PCDH15: variants seen among roughly 807,000 people sequenced by gnomAD.
PCDH15 encodes the protein protocadherin related 15.
Under a neutral mutation model 178.5 loss-of-function variants are expected in PCDH15, and 129 were observed. The observed-to-expected ratio is 0.72, with a 90% CI of 0.63 to 0.84. The LOEUF is 0.84. PCDH15 is among the 40% of genes least tolerant of loss of function. The pLI, the probability that PCDH15 is intolerant of heterozygous loss-of-function variation, is 0.00. For synonymous variants in PCDH15, 800 were observed against 732.0 expected (o/e 1.09, Z -1.50); for missense variants, 2,230 against 2,099.9 (o/e 1.06, Z -1.21).
intron 1 of PCDH15, among the ~76,000 whole-genome samples, chr10:54,799,304 AAATGTG>A (rs562517508): frequency 1.1e-3 from 170 of 152,304 alleles, no homozygotes; most frequent in African/African-American, 3.9e-3. Context: ...TGCAAAATTT[AAATGTG>A]AACAAATTAA....
At chr10:55,530,267 C>A (rs1841419909) in intron 2 of PCDH15, among the ~76,000 whole-genome samples, 1 of 151,914 alleles carries the variant, frequency 6.6e-6, no homozygotes, top group South Asian at 2.1e-4. Context: ...CTATACAATT[C>A]TCTAACCATC....
Position 53,840,353 on chromosome 10 carries a change from G to T in PCDH15, c.3950C>A (p.Thr1317Asn). The T allele has an allele frequency of 1.2e-6, 2 of 1,614,184 alleles. No individual in the cohort carries two copies. Among genetic ancestry groups the T allele is most frequent in the Non-Finnish European group, 1.7e-6 (2 of 1,180,024 alleles). Residue 1317 changes from threonine (T) to asparagine (N), a missense_variant, in exon 29 of 38, where the codon ACC becomes AAC. By Grantham distance (65) the Thr-to-Asn change is moderately conservative. Coordinates refer to ENST00000644397, the MANE Select transcript of PCDH15 (RefSeq NM_001384140.1). ...CTCATTTCTATCGATGGCTCTGTTGGTTTGGGGGTCAATTGCATAGACAGT... is the reference window on the plus strand; with the variant it reads ...CTCATTTCTATCGATGGCTCTGTTGTTTTGGGGGTCAATTGCATAGACAGT... Reference protein sequence around the residue: ...DLTVYAIDPQTNRAIDRNELF... With the variant: ...DLTVYAIDPQNNRAIDRNELF...
intron 3 of PCDH15, among the ~76,000 whole-genome samples, chr10:54,421,183 C>G (rs1955239653): frequency 4.0e-5 from 6 of 151,796 alleles, no homozygotes; most frequent in Admixed American, 3.9e-4. Context: ...TAAAACAAAA[C>G]AAAATTGTCC....
At chr10:54,780,088 G>T (rs760395390) in intron 1 of PCDH15, among the ~76,000 whole-genome samples, 1 of 152,062 alleles carries the variant, frequency 6.6e-6, no homozygotes, top group African/African-American at 2.4e-5. Context: ...AAAATGTTCC[G>T]CAGAGAAGTT....
intron 2 of PCDH15, among the ~76,000 whole-genome samples, chr10:55,128,099 A>T (rs1337632318): frequency 6.6e-6 from 1 of 151,984 alleles, no homozygotes; most frequent in African/African-American, 2.4e-5. Flanking sequence ...TTCCAACTGG[A>T]AGCCACTTTT....
At chr10:54,648,736 A>G (rs1440058450) in intron 2 of PCDH15, among the ~76,000 whole-genome samples, 3 of 152,150 alleles carry the variant, frequency 2.0e-5, no homozygotes, top group Admixed American at 2.0e-4. Context: ...GGTATTACAT[A>G]ATGCTTGCTA....
intron 10 of PCDH15, among the ~76,000 whole-genome samples, chr10:54,201,766 G>A (rs117044544): frequency 0.047 from 7,158 of 151,328 alleles, 246 homozygotes; most frequent in Admixed American, 0.096. Context: ...GTGTGTGAAC[G>A]TACACGAAGT....
At chr10:55,282,671 TTAAG>T (rs1376194231) in intron 1 of PCDH15, among the ~76,000 whole-genome samples, 3 of 151,302 alleles carry the variant, frequency 2.0e-5, no homozygotes, top group Non-Finnish European at 4.4e-5. Context: ...TTATAAATGA[TTAAG>T]TAATTAATTA....
At chr10:53,910,884 A>G (rs959560229) in intron 25 of PCDH15, among the ~76,000 whole-genome samples, 1 of 152,224 alleles carries the variant, frequency 6.6e-6, no homozygotes, top group African/African-American at 2.4e-5. Context: ...TTCAATAGCC[A>G]TTTTCATCAA....
intron 2 of PCDH15, among the ~76,000 whole-genome samples, chr10:54,572,555 T>G (rs2089974754): frequency 6.6e-6 from 1 of 152,174 alleles, no homozygotes; most frequent in Non-Finnish European, 1.5e-5. Context: ...TCTTGTCAAG[T>G]TCTCTTTAAA....
In PCDH15 at chr10:55,573,650, C is replaced by T. The variant is rs116405756; in HGVS notation, c.-156+53975G>A. On this transcript the variant is annotated intron_variant, in intron 2 of 5. Coordinates refer to the PCDH15 transcript ENST00000613346. ...TTTAACTGTTTATCAAAAGAAAATTCGAATTAGTAATAATTTTCAGATTCA... is the reference window on the plus strand; with the variant it reads ...TTTAACTGTTTATCAAAAGAAAATTTGAATTAGTAATAATTTTCAGATTCA... Among the ~76,000 whole-genome samples the T allele has an allele frequency of 6.5e-3, 981 of 152,032 alleles. 7 individuals carry two copies. The highest frequency in any genetic ancestry group is 0.021 in the African/African-American group (888 of 41,496).
intron 25 of PCDH15, among the ~76,000 whole-genome samples, chr10:53,910,013 C>G (rs2593140): frequency 0.72 from 109,106 of 152,124 alleles, 39,524 homozygotes; most frequent in East Asian, 1. Context: ...GAAGCCCAAA[C>G]TGGGAGGAGC....
At chr10:54,237,045 G>A (rs1744440759) in intron 8 of PCDH15, 114 bp from the exon 9 acceptor site, 6 of 909,818 alleles carry the variant, frequency 6.6e-6, no homozygotes, top group Non-Finnish European at 7.3e-6. Flanking sequence ...GTAAACTCAA[G>A]TTTCAACATT....
intron 3 of PCDH15, among the ~76,000 whole-genome samples, chr10:54,423,987 T>A (rs1955892690): frequency 6.6e-6 from 1 of 151,840 alleles, no homozygotes; most frequent in African/African-American, 2.4e-5. Flanking sequence ...CCAAAAGCAA[T>A]GGCAACAAAA....
chr10:55,499,231 A>G (rs1255965810), intron 2 of PCDH15, among the ~76,000 whole-genome samples: 2 of 151,858 alleles, frequency 1.3e-5, no homozygotes, highest in Non-Finnish European at 2.9e-5. Flanking sequence ...TACATGTTTT[A>G]AGTTGCTAAA....
intron 8 of PCDH15, among the ~76,000 whole-genome samples, chr10:54,296,169 A>AAAAT (rs2059769716): frequency 7.0e-6 from 1 of 142,526 alleles, no homozygotes; most frequent in African/African-American, 2.6e-5. Context: ...AAAAAAAAAA[A>AAAAT]GTGGTTGGCA....
At chr10:54,607,693 T>C in intron 2 of PCDH15, among the ~76,000 whole-genome samples, 1 of 151,970 alleles carries the variant, frequency 6.6e-6, no homozygotes. Flanking sequence ...ATGGAGATTT[T>C]AAAATTTATA....
intron 9 of PCDH15, among the ~76,000 whole-genome samples, chr10:54,226,779 C>A (rs186630210): frequency 6.6e-6 from 1 of 152,110 alleles, no homozygotes; most frequent in Non-Finnish European, 1.5e-5. Context: ...AGTGGGGATA[C>A]GGGCATTGGA....
chr10:55,420,443 G>T (rs1838593365), intron 2 of PCDH15, among the ~76,000 whole-genome samples: 1 of 146,840 alleles, frequency 6.8e-6, no homozygotes, highest in African/African-American at 2.6e-5. Flanking sequence ...TATGTTGACA[G>T]GATCAGTAGG....
Sources: gnomAD v4.1 joint callset for allele counts (sites outside exome capture counted in the v4.1 genomes callset) on GRCh38, gnomAD v4.1.1 for gene constraint, MANE v1.5 for transcripts, NCBI Gene and HGNC (gene_info 2026-07-23, HGNC 2026-07-21) for gene names.